Variants in CPD observed in about 807,000 individuals in gnomAD.
CPD encodes metallocarboxypeptidase D.
Under a neutral mutation model 138.3 loss-of-function variants are expected in CPD, and 69 were observed. That is an observed-to-expected ratio of 0.50 (90% CI 0.41 to 0.61). CPD has a LOEUF of 0.61. Ranked by LOEUF, CPD falls within the 20% of genes least tolerant of loss-of-function variation. CPD has a pLI of 0.00. For missense variants in CPD, 1,432 were observed against 1,733.3 expected (o/e 0.83, Z 3.09); for synonymous variants, 651 against 642.1 (o/e 1.01, Z -0.21).
At chr17:30,439,394 C>CTTTTTTTTTT (rs71138889) in intron 9 of CPD, among the ~76,000 whole-genome samples, 28 of 124,626 alleles carry the variant, frequency 2.2e-4, no homozygotes, top group African/African-American at 3.1e-4. Flanking sequence ...ACGTTACTTT[C>CTTTTTTTTTT]TTTTTTTTTT....
At chr17:30,457,099 A>T (rs893297104) in intron 17 of CPD, among the ~76,000 whole-genome samples, 14 of 152,204 alleles carry the variant, frequency 9.2e-5, no homozygotes, top group African/African-American at 3.4e-4. Flanking sequence ...TTTGCCCCAG[A>T]CAGAAACTCT....
intron 1 of CPD, among the ~76,000 whole-genome samples, chr17:30,382,342 AC>A (rs1911071569): frequency 6.6e-6 from 1 of 152,194 alleles, no homozygotes; most frequent in Non-Finnish European, 1.5e-5. Context: ...TAATATATTT[AC>A]CAGCTACTTT....
In CPD at chr17:30,445,912, C is replaced by A. The variant is rs748123499; in HGVS notation, c.2765C>A (p.Ser922Tyr). ...GGTTTGGAAAGCCTCATGTTACGCT[C>A]CTCCTCAAATCTGGCTCTGGCTCTT... Reference protein sequence around the residue: ...ENGLESLMLRSSSNLALALYR... With the variant: ...ENGLESLMLRYSSNLALALYR... The change falls in exon 12 of 21, where the codon TCC (serine) becomes TAC (tyrosine). Residue 922 changes from serine to tyrosine, a missense_variant. Ser to Tyr is a moderately radical substitution (Grantham distance 144, BLOSUM62 -2). This residue lies in a region of CPD where 124 missense variants were observed against 117.0 expected (regional missense o/e 1.06). Transcript: ENST00000225719. The A allele has an allele frequency of 6.2e-7, 1 of 1,614,022 alleles. No individual in the cohort carries two copies. The highest frequency in any genetic ancestry group is 8.5e-7 in the Non-Finnish European group (1 of 1,179,912).
chr17:30,407,661 T>C (rs1272889766), intron 2 of CPD, among the ~76,000 whole-genome samples: 2 of 151,112 alleles, frequency 1.3e-5, no homozygotes, highest in African/African-American at 4.9e-5. Flanking sequence ...TTTGATGGGG[T>C]TGTTTGTTTT....
intron 1 of CPD, among the ~76,000 whole-genome samples, chr17:30,383,171 G>T (rs998406590): frequency 2.0e-5 from 3 of 152,188 alleles, no homozygotes; most frequent in Non-Finnish European, 4.4e-5. Flanking sequence ...GGCAGTGGAA[G>T]TGGGGAGTAG....
At chr17:30,395,270 A>G (rs1911472232) in intron 2 of CPD, among the ~76,000 whole-genome samples, 1 of 151,310 alleles carries the variant, frequency 6.6e-6, no homozygotes, top group African/African-American at 2.4e-5. Flanking sequence ...AGGAATGCCA[A>G]CAATTCAGAT....
At position 30,469,441 on chromosome 17, in the gene CPD, G is replaced by C. The variant is rs1170287082; in HGVS notation, c.*4627G>C. The C allele has an allele frequency of 1.3e-5, 2 of 152,132 alleles. No homozygotes were observed. The highest frequency in any genetic ancestry group is 2.9e-5 in the Non-Finnish European group (2 of 68,020). 9.4% of individuals were successfully genotyped at this position (152,132 alleles called of 1,614,324 possible). A position where few individuals can be genotyped will look rare whatever the true frequency, so the allele number is the denominator to read the frequency against. On this transcript the variant is annotated 3_prime_UTR_variant, in exon 21 of 21. Coordinates refer to ENST00000225719, the MANE Select transcript of CPD (RefSeq NM_001304.5). The stretch of plus-strand genomic sequence containing the variant: ...AATAATCCTTGATAGGATTGCAGTG[G>C]AAAATTAAATGAAATAATGTTAGCA...
intron 2 of CPD, among the ~76,000 whole-genome samples, chr17:30,400,820 G>A (rs9915746): frequency 0.069 from 9,818 of 141,924 alleles, 392 homozygotes; most frequent in African/African-American, 0.095. Context: ...ACCACGCCCG[G>A]TTAATTTTTT....
At chr17:30,432,719 G>A (rs1324105312) in intron 8 of CPD, among the ~76,000 whole-genome samples, 2 of 151,744 alleles carry the variant, frequency 1.3e-5, no homozygotes, top group African/African-American at 4.8e-5. Flanking sequence ...GACCAGACTG[G>A]GCAACATAGC....
At position 30,469,172 on chromosome 17, in the gene CPD, C is replaced by T. The variant is rs1384373178; in HGVS notation, c.*4358C>T. ...TGGGAAAGCAAAGTTGTATGAGAAACAGACTCTGCTGATAAAGTACTCATA... is the reference window on the plus strand; with the variant it reads ...TGGGAAAGCAAAGTTGTATGAGAAATAGACTCTGCTGATAAAGTACTCATA... On this transcript the variant is annotated 3_prime_UTR_variant, in exon 21 of 21. Transcript: ENST00000225719. 2 of 152,154 alleles carry T rather than the reference C, an allele frequency of 1.3e-5. No homozygotes were observed. The highest frequency in any genetic ancestry group is 4.8e-5 in the African/African-American group (2 of 41,440). The allele number at this position is 152,154 out of a possible 1,614,324, so 9.4% of individuals were successfully genotyped here.
At chr17:30,458,880 GAA>G (rs1913375008) in intron 17 of CPD, among the ~76,000 whole-genome samples, 1 of 144,544 alleles carries the variant, frequency 6.9e-6, no homozygotes, top group African/African-American at 2.6e-5. Flanking sequence ...AAAAAAAAAA[GAA>G]AAAAAAGAGT....
Position 30,427,210 on chromosome 17 carries a change from A to T in CPD, c.1850-181A>T, listed in dbSNP as rs892868011. Among the ~76,000 whole-genome samples, 5 of 151,824 alleles carry T rather than the reference A, an allele frequency of 3.3e-5. No homozygotes were observed. In the South Asian group the frequency reaches 1.0e-3, roughly 32 times the overall value. On this transcript the variant is annotated intron_variant, in intron 6 of 20. Coordinates refer to ENST00000225719, the MANE Select transcript of CPD (RefSeq NM_001304.5). ...AAAAAAAAAAAAGGCGGAGTCAACC[A>T]TGTCAGATTTCTTTTACTGTTATAA...
Position 30,443,883 on chromosome 17 carries a change from A to G in CPD, c.2455A>G (p.Ile819Val). The stretch of plus-strand genomic sequence containing the variant: ...AAATGCCACCATTAGTGTTGCTGAG[A>G]TTAATCACCCAGTGACTACTTACAA... ...ILNATISVAE[I>V]NHPVTTYKTG... Residue 819 changes from isoleucine to valine, a missense_variant, in exon 11 of 21, where the codon ATT (isoleucine) becomes GTT (valine). Physicochemically the swap from Ile to Val is conservative, Grantham distance 29 (BLOSUM62 3). Transcript: ENST00000225719. 3.1e-6 allele frequency: 5 copies of G among 1,614,004 alleles called. No individual in the cohort carries two copies. Among genetic ancestry groups the G allele is most frequent in the South Asian group, 1.1e-5 (1 of 91,078 alleles).
intron 2 of CPD, among the ~76,000 whole-genome samples, chr17:30,394,909 G>GTGTA (rs1330964852): frequency 1.3e-5 from 2 of 151,508 alleles, no homozygotes; most frequent in Non-Finnish European, 2.9e-5. Context: ...GTATGTGTGT[G>GTGTA]TGTGTGTGTG....
chr17:30,427,711 C>T (rs1912456917), intron 7 of CPD, among the ~76,000 whole-genome samples, 153 bp downstream of exon 7: 1 of 152,148 alleles, frequency 6.6e-6, no homozygotes, highest in African/African-American at 2.4e-5. Context: ...TTTCTCATTA[C>T]TTTTTCAGCC....
intron 2 of CPD, among the ~76,000 whole-genome samples, chr17:30,414,996 G>A (rs911696906): frequency 1.3e-5 from 2 of 152,128 alleles, no homozygotes; most frequent in African/African-American, 2.4e-5. Flanking sequence ...TAAAACCACG[G>A]GACTGTATGA....
chr17:30,391,668 T>C (rs1911360121), intron 2 of CPD, among the ~76,000 whole-genome samples: 1 of 151,784 alleles, frequency 6.6e-6, no homozygotes, highest in African/African-American at 2.4e-5. Context: ...GCTGTGTGCG[T>C]GTGTGTGTGT....
intron 2 of CPD, among the ~76,000 whole-genome samples, chr17:30,392,014 T>A (rs1215429091): frequency 1.3e-5 from 2 of 151,308 alleles, no homozygotes; most frequent in East Asian, 3.9e-4. Flanking sequence ...TAATCTTTTT[T>A]TTTTTTTTTT....
intron 2 of CPD, among the ~76,000 whole-genome samples, chr17:30,408,523 A>G (rs1911865711): frequency 6.6e-6 from 1 of 152,124 alleles, no homozygotes; most frequent in African/African-American, 2.4e-5. Context: ...GGTCTTTCAC[A>G]TCCCTTGTAA....
Sources: gnomAD v4.1 joint callset for allele counts (sites outside exome capture counted in the v4.1 genomes callset) on GRCh38, gnomAD v4.1.1 for gene constraint, gnomAD v4.1.1 regional missense constraint, MANE v1.5 for transcripts, NCBI Gene and HGNC (gene_info 2026-07-23, HGNC 2026-07-21) for gene names.